ADGRV1: variants seen among roughly 807,000 people sequenced by gnomAD.
The protein encoded by ADGRV1 is G-protein coupled receptor 98.
A neutral mutation model predicts 596.2 loss-of-function variants in ADGRV1; 359 were observed. That is an observed-to-expected ratio of 0.60 (90% CI 0.55 to 0.66). The LOEUF (loss-of-function observed/expected upper bound fraction) is 0.66, where lower values mean the gene tolerates loss of function less well. Among genes scored for constraint, ADGRV1 ranks in the 30% least tolerant of loss-of-function variants. ADGRV1 has a pLI of 0.00. For missense variants in ADGRV1, 7,274 were observed against 7,575.6 expected (o/e 0.96, Z 1.48); for synonymous variants, 2,681 against 2,679.2 (o/e 1.00, Z -0.02).
intron 78 of ADGRV1, among the ~76,000 whole-genome samples, chr5:90,847,787 C>T (rs996547111): frequency 2.0e-5 from 3 of 152,234 alleles, no homozygotes; most frequent in Admixed American, 6.5e-5. Context: ...ACTGAGCCCA[C>T]GCCCACCCGG....
chr5:90,823,060 T>C (rs141230252), intron 75 of ADGRV1, among the ~76,000 whole-genome samples: 5,867 of 152,274 alleles, frequency 0.039, 399 homozygotes, highest in African/African-American at 0.13. Flanking sequence ...AAATATACAA[T>C]CATGTCATCT....
intron 41 of ADGRV1, among the ~76,000 whole-genome samples, 200 bp from the exon 42 acceptor site, chr5:90,712,087 C>G (rs1749437970): frequency 1.3e-5 from 2 of 152,030 alleles, no homozygotes; most frequent in African/African-American, 4.8e-5. Context: ...TGCACCCAGC[C>G]CCCTCTTAAT....
In ADGRV1 at chr5:90,694,568, C is replaced by G. The variant is rs1183918249; in HGVS notation, c.7812C>G (p.Thr2604=). ...TTGAAGTTCAGGAGCAGCCCCAAAC[C>G]TTGGTGGAGCTGATGATACACAGGA... ...LFVEVQEQPQ[T]LVELMIHRTG... Residue 2604 remains threonine (T), a synonymous_variant, in exon 33 of 90, where the codon ACC becomes ACG. Transcript: ENST00000405460. 5.0e-6 allele frequency: 8 copies of G among 1,613,716 alleles called. No individual in the cohort carries two copies. The highest frequency in any genetic ancestry group is 6.8e-6 in the Non-Finnish European group (8 of 1,179,820).
intron 85 of ADGRV1, among the ~76,000 whole-genome samples, chr5:90,993,347 C>T (rs1233062902): frequency 2.0e-5 from 3 of 151,648 alleles, no homozygotes; most frequent in East Asian, 1.9e-4. Flanking sequence ...TTAGTAGAGA[C>T]GGGGTTTCAC....
intron 59 of ADGRV1, among the ~76,000 whole-genome samples, chr5:90,764,966 G>C (rs1262782563): frequency 2.6e-5 from 4 of 152,124 alleles, no homozygotes; most frequent in Non-Finnish European, 4.4e-5. Context: ...CTCCTTAGAA[G>C]CTTGGCAGTC....
At chr5:90,806,740 A>G (rs985117106) in intron 72 of ADGRV1, among the ~76,000 whole-genome samples, 6 of 152,220 alleles carry the variant, frequency 3.9e-5, no homozygotes, top group Admixed American at 6.5e-5. Flanking sequence ...ATAGATCTGT[A>G]TCTTCAAACA....
intron 85 of ADGRV1, among the ~76,000 whole-genome samples, chr5:91,035,030 A>G (rs1342418637): frequency 6.6e-6 from 1 of 152,110 alleles, no homozygotes. Flanking sequence ...AAGTACTGGG[A>G]TTTCAGATGT....
intron 83 of ADGRV1, among the ~76,000 whole-genome samples, chr5:90,963,016 C>T: frequency 6.6e-6 from 1 of 152,114 alleles, no homozygotes; most frequent in East Asian, 1.9e-4. Flanking sequence ...TAAAGCTAAA[C>T]ATATTCAATT....
At chr5:90,575,336 C>T (rs1479417135) in intron 1 of ADGRV1, among the ~76,000 whole-genome samples, 1 of 152,188 alleles carries the variant, frequency 6.6e-6, no homozygotes, top group African/African-American at 2.4e-5. Flanking sequence ...TCACTGCAAC[C>T]TTTGCCTCCC....
At chr5:90,864,663 C>A (rs1039830817) in intron 83 of ADGRV1, among the ~76,000 whole-genome samples, 4 of 151,956 alleles carry the variant, frequency 2.6e-5, no homozygotes, top group African/African-American at 9.6e-5. Context: ...CTAAAAAGGG[C>A]CTAGACATTT....
chr5:90,572,652 A>G (rs911587096), intron 1 of ADGRV1, among the ~76,000 whole-genome samples: 7 of 152,224 alleles, frequency 4.6e-5, no homozygotes, highest in Admixed American at 6.5e-5. Context: ...ACGCACGTGC[A>G]CACACACATG....
intron 76 of ADGRV1, among the ~76,000 whole-genome samples, chr5:90,826,271 AT>A (rs944975443): frequency 6.6e-6 from 1 of 152,174 alleles, no homozygotes; most frequent in Non-Finnish European, 1.5e-5. Flanking sequence ...GCTTTGAGAA[AT>A]TATTTGGAGG....
intron 87 of ADGRV1, among the ~76,000 whole-genome samples, chr5:91,114,459 G>A (rs1406506938): frequency 2.7e-5 from 4 of 150,764 alleles, no homozygotes; most frequent in Non-Finnish European, 4.4e-5. Flanking sequence ...CCCAGGAAGC[G>A]GAGGTTGCAG....
At chr5:90,625,278 A>T (rs935013327) in intron 6 of ADGRV1, 35 bp downstream of exon 6, 11 of 1,340,964 alleles carry the variant, frequency 8.2e-6, no homozygotes, top group Non-Finnish European at 9.6e-6. Context: ...TGGGACAAGG[A>T]TTCTGTGTTG....
intron 83 of ADGRV1, among the ~76,000 whole-genome samples, chr5:90,930,664 C>G (rs1475608589): frequency 2.6e-5 from 4 of 152,078 alleles, no homozygotes; most frequent in African/African-American, 9.7e-5. Flanking sequence ...TCCAAATTTT[C>G]AAGCAGAAAC....
intron 36 of ADGRV1, among the ~76,000 whole-genome samples, chr5:90,704,805 A>C (rs565310949): frequency 6.6e-6 from 1 of 151,668 alleles, no homozygotes; most frequent in East Asian, 1.9e-4. Context: ...TATATGGATA[A>C]ATCAAATTTA....
chr5:90,839,504 A>G (rs1410854155), intron 77 of ADGRV1, among the ~76,000 whole-genome samples: 1 of 152,062 alleles, frequency 6.6e-6, no homozygotes, highest in Non-Finnish European at 1.5e-5. Context: ...GTGAGTCACC[A>G]CACCCAGCCT....
At chr5:90,828,910 A>G (rs774309511) in intron 76 of ADGRV1, 34 bp from the exon 77 acceptor site, 32 of 1,449,456 alleles carry the variant, frequency 2.2e-5, no homozygotes, top group Non-Finnish European at 1.5e-5. Context: ...TATATTAGTA[A>G]TAGTTGTTTT....
At chr5:90,666,727 A>T (rs2149513095) in intron 21 of ADGRV1, among the ~76,000 whole-genome samples, 1 of 151,564 alleles carries the variant, frequency 6.6e-6, no homozygotes, top group South Asian at 2.1e-4. Context: ...ACATTTTGGC[A>T]TGATTTTGCA....
Sources: allele counts gnomAD v4.1 joint callset (sites outside exome capture counted in the v4.1 genomes callset), GRCh38; gene constraint gnomAD v4.1.1; transcripts MANE v1.5; gene names NCBI Gene and HGNC (gene_info 2026-07-23, HGNC 2026-07-21).